The following GPHN variants were observed in gnomAD, a reference collection of about 807,000 sequenced individuals.
The protein encoded by GPHN is gephyrin.
A neutral mutation model predicts 95.5 loss-of-function variants in GPHN; 17 were observed. That is an observed-to-expected ratio of 0.18 (90% CI 0.12 to 0.27). The LOEUF (loss-of-function observed/expected upper bound fraction) is 0.27, where lower values mean the gene tolerates loss of function less well. Among genes scored for constraint, GPHN ranks in the 10% least tolerant of loss-of-function variants. The pLI, the probability that GPHN is intolerant of heterozygous loss-of-function variation, is 1.00. For synonymous variants in GPHN, 320 were observed against 322.5 expected, an observed-to-expected ratio of 0.99 and a Z score of 0.08; for missense variants, 660 against 978.1, an observed-to-expected ratio of 0.67 and a Z score of 4.34.
At chr14:67,651,100 T>C in the GPHN span, 49 of 922,764 alleles carry the variant, frequency 5.3e-5, no homozygotes, top group Non-Finnish European at 7.1e-5. Context: ...TAAATGTATT[T>C]GGTTTTTTGC....
chr14:66,688,217 C>G (rs2067529852), intron 2 of GPHN, among the ~76,000 whole-genome samples: 1 of 152,026 alleles, frequency 6.6e-6, no homozygotes. Context: ...AGATATAAGT[C>G]TTTATGCTTT....
chr14:66,652,485 A>G (rs2065093470), intron 1 of GPHN, among the ~76,000 whole-genome samples: 1 of 151,002 alleles, frequency 6.6e-6, no homozygotes, highest in Non-Finnish European at 1.5e-5. Flanking sequence ...CTGTGACACA[A>G]AGAAACATTA....
chr14:66,517,150 AAAG>A (rs1277558287), intron 1 of GPHN, among the ~76,000 whole-genome samples: 3 of 148,974 alleles, frequency 2.0e-5, no homozygotes, highest in Admixed American at 6.7e-5. Context: ...AAAAAAAAAA[AAAG>A]AAGAAACTGA....
intron 9 of GPHN, among the ~76,000 whole-genome samples, chr14:66,973,610 T>G (rs757708891): frequency 2.0e-5 from 3 of 151,878 alleles, no homozygotes; most frequent in Non-Finnish European, 4.4e-5. Context: ...ATACAAAAAT[T>G]TAGCTGGGCG....
At chr14:66,615,039 A>G (rs917936988) in intron 1 of GPHN, among the ~76,000 whole-genome samples, 3 of 152,200 alleles carry the variant, frequency 2.0e-5, no homozygotes, top group Non-Finnish European at 4.4e-5. Flanking sequence ...TGCAAAAGAC[A>G]TGATCTCATT....
At chr14:66,541,825 A>C (rs1229731778) in intron 1 of GPHN, among the ~76,000 whole-genome samples, 1 of 152,240 alleles carries the variant, frequency 6.6e-6, no homozygotes, top group Non-Finnish European at 1.5e-5. Context: ...TGGTGCTGTC[A>C]GTACCATGGA....
chr14:67,626,017 G>T, the GPHN span, among the ~76,000 whole-genome samples: 26 of 152,296 alleles, frequency 1.7e-4, no homozygotes, highest in African/African-American at 4.6e-4. Context: ...ACTTTGGGAG[G>T]CTGAGGCGGG....
At chr14:67,657,842 G>A in the GPHN span, among the ~76,000 whole-genome samples, 5 of 147,596 alleles carry the variant, frequency 3.4e-5, no homozygotes, top group East Asian at 2.0e-4. Flanking sequence ...TCTGCCTCCC[G>A]GGCACAAGCA....
the GPHN span, among the ~76,000 whole-genome samples, chr14:67,281,379 A>G: frequency 6.6e-6 from 1 of 152,174 alleles, no homozygotes; most frequent in African/African-American, 2.4e-5. Flanking sequence ...AGTGAAAGCT[A>G]AAAGATTACA....
intron 15 of GPHN, among the ~76,000 whole-genome samples, chr14:67,112,157 T>C (rs1343222389): frequency 6.6e-6 from 1 of 152,200 alleles, no homozygotes; most frequent in Non-Finnish European, 1.5e-5. Context: ...GGTAAAGTCA[T>C]GAGCCTACAT....
At chr14:67,120,438 T>G (rs2078956893) in intron 16 of GPHN, among the ~76,000 whole-genome samples, 1 of 152,214 alleles carries the variant, frequency 6.6e-6, no homozygotes, top group Non-Finnish European at 1.5e-5. Flanking sequence ...CACACCCTCA[T>G]TTAACTAGCT....
the GPHN span, among the ~76,000 whole-genome samples, chr14:67,474,884 C>A: frequency 6.6e-6 from 1 of 151,528 alleles, no homozygotes; most frequent in African/African-American, 2.4e-5. Flanking sequence ...TAAGGTTCAT[C>A]CATGTTGCAG....
At chr14:67,108,712 GGT>G (rs3063159) in intron 13 of GPHN, among the ~76,000 whole-genome samples, 4,612 of 131,130 alleles carry the variant, frequency 0.035, 81 homozygotes, top group African/African-American at 0.049. Context: ...TTCCCTAAGG[GGT>G]GTGTGTGTGT....
At chr14:66,648,056 G>A (rs904975627) in intron 1 of GPHN, among the ~76,000 whole-genome samples, 1 of 152,126 alleles carries the variant, frequency 6.6e-6, no homozygotes, top group African/African-American at 2.4e-5. Flanking sequence ...ACTGAAGTGT[G>A]TTTTGGAGAT....
chr14:67,489,622 C>T, the GPHN span, among the ~76,000 whole-genome samples: 8 of 152,314 alleles, frequency 5.3e-5, no homozygotes. Flanking sequence ...CCACAACCTC[C>T]AGGTCATTCC....
the GPHN span, among the ~76,000 whole-genome samples, chr14:67,712,827 G>T: frequency 6.6e-6 from 1 of 151,998 alleles, no homozygotes; most frequent in Non-Finnish European, 1.5e-5. Context: ...TCAGTTGGCA[G>T]CTAGCAAAAA....
the GPHN span, among the ~76,000 whole-genome samples, chr14:67,431,426 T>C: frequency 5.0e-4 from 71 of 141,328 alleles, no homozygotes; most frequent in African/African-American, 1.7e-3. Context: ...AAAAAACGGT[T>C]TAGTGTAATC....
chr14:67,346,692 A>G, the GPHN span, among the ~76,000 whole-genome samples: 1 of 152,242 alleles, frequency 6.6e-6, no homozygotes, highest in Non-Finnish European at 1.5e-5. Flanking sequence ...AATGGAATGA[A>G]TAAGACAGTT....
At chr14:67,165,367 T>A in intron 20 of GPHN, 141 bp downstream of exon 20, 1 of 664,120 alleles carries the variant, frequency 1.5e-6, no homozygotes. Flanking sequence ...TCACTTAACC[T>A]CTCTAGGAAG....
Sources: allele counts gnomAD v4.1 joint callset (sites outside exome capture counted in the v4.1 genomes callset), GRCh38; gene constraint gnomAD v4.1.1; transcripts MANE v1.5; gene names NCBI Gene and HGNC (gene_info 2026-07-23, HGNC 2026-07-21).